Variants in GPBP1L1 observed in about 807,000 individuals in gnomAD.
GPBP1L1 encodes the protein vasculin-like protein 1.
GPBP1L1 carries 23 observed loss-of-function variants against 52.5 expected under a neutral mutation model. The observed-to-expected ratio is 0.44, with a 90% CI of 0.32 to 0.62. The LOEUF (loss-of-function observed/expected upper bound fraction) is 0.62, where lower values mean the gene tolerates loss of function less well. Among genes scored for constraint, GPBP1L1 ranks in the 20% least tolerant of loss-of-function variants. The pLI, the probability that GPBP1L1 is intolerant of heterozygous loss-of-function variation, is 0.06. For synonymous variants in GPBP1L1, 243 were observed against 203.1 expected (o/e 1.20, Z -1.67); for missense variants, 596 against 579.3 (o/e 1.03, Z -0.30).
intron 2 of GPBP1L1, among the ~76,000 whole-genome samples, chr1:45,668,352 C>T (rs548106752): frequency 6.6e-6 from 1 of 152,258 alleles, no homozygotes; most frequent in East Asian, 1.9e-4. Context: ...TTAAATTGCA[C>T]ACTTAAAAAC....
intron 6 of GPBP1L1, chr1:45,654,144 A>G (rs1338434209): frequency 6.2e-6 from 1 of 160,736 alleles, no homozygotes; most frequent in Non-Finnish European, 1.4e-5. Flanking sequence ...CAGCTGAAAT[A>G]CTCCCAATTA....
intron 2 of GPBP1L1, among the ~76,000 whole-genome samples, chr1:45,670,019 T>C (rs1015542711): frequency 2.6e-5 from 4 of 152,252 alleles, no homozygotes; most frequent in Admixed American, 6.5e-5. Context: ...AGTGTATTAA[T>C]AAATGCTTTG....
intron 8 of GPBP1L1, among the ~76,000 whole-genome samples, chr1:45,636,354 T>C (rs1644594527): frequency 6.6e-6 from 1 of 152,190 alleles, no homozygotes; most frequent in Non-Finnish European, 1.5e-5. Flanking sequence ...ACTAGGTGAA[T>C]TTCATTAGAA....
At chr1:45,655,001 G>A (rs115194984) in intron 5 of GPBP1L1, among the ~76,000 whole-genome samples, 172 bp from the exon 6 acceptor site, 3,831 of 152,316 alleles carry the variant, frequency 0.025, 162 homozygotes, top group African/African-American at 0.088. Context: ...CTGAACAGAT[G>A]ATTCATGAGA....
intron 6 of GPBP1L1, among the ~76,000 whole-genome samples, chr1:45,648,347 C>T (rs890480776): frequency 5.3e-5 from 8 of 152,210 alleles, no homozygotes; most frequent in Admixed American, 1.3e-4. Context: ...TTTCTCTATT[C>T]AAACTACTGT....
rs536700581 is a variant in GPBP1L1 at position 45,659,718 on chromosome 1, T to A, written c.-56+466A>T. On this transcript the variant is annotated intron_variant, in intron 3 of 12. Transcript: ENST00000355105. Reference sequence around the variant, plus strand: ...CAGCACCTTGGGAGGCCGAGGTGGATCGCTTGAGCCCAGCAGTTCGAGACC... The same window carrying A: ...CAGCACCTTGGGAGGCCGAGGTGGAACGCTTGAGCCCAGCAGTTCGAGACC... Among the ~76,000 whole-genome samples the A allele has an allele frequency of 3.3e-5, 5 of 152,234 alleles. No homozygotes were observed. In the South Asian group the frequency reaches 1.0e-3, roughly 32 times the overall value.
At chr1:45,629,404 C>T (rs1275053932) in intron 12 of GPBP1L1, among the ~76,000 whole-genome samples, 172 bp downstream of exon 12, 2 of 150,462 alleles carry the variant, frequency 1.3e-5, no homozygotes, top group African/African-American at 4.9e-5. Flanking sequence ...ACTGGGGATC[C>T]TTATTTCCCA....
intron 2 of GPBP1L1, among the ~76,000 whole-genome samples, chr1:45,677,853 T>C (rs1329002916): frequency 6.6e-6 from 1 of 152,234 alleles, no homozygotes; most frequent in Non-Finnish European, 1.5e-5. Flanking sequence ...TACAAAGTGT[T>C]AATGAAGATG....
Position 45,654,578 on chromosome 1 carries a change from T to C in GPBP1L1, c.442A>G (p.Lys148Glu). 1.2e-6 allele frequency: 2 copies of C among 1,612,584 alleles called. No homozygotes were observed. Among genetic ancestry groups the C allele is most frequent in the Middle Eastern group, 1.7e-4 (1 of 6,054 alleles). Residue 148 changes from lysine (K) to glutamate (E), a missense_variant, in exon 6 of 13, where the codon AAG (lysine) becomes GAG (glutamate). By Grantham distance (56) the Lys-to-Glu change is moderately conservative. Coordinates refer to ENST00000355105, the MANE Select transcript of GPBP1L1 (RefSeq NM_021639.5). ...MEIREEKKED[K>E]VEKLQFEEED... Reference sequence around the variant, plus strand: ...TCTTCAAACTGCAACTTTTCCACCTTGTCTTCTTTCTTTTCTTCCCTAATC... The same window carrying C: ...TCTTCAAACTGCAACTTTTCCACCTCGTCTTCTTTCTTTTCTTCCCTAATC...
chr1:45,651,037 T>A, intron 6 of GPBP1L1: 1 of 475,986 alleles, frequency 2.1e-6, no homozygotes, highest in Non-Finnish European at 4.2e-6. Flanking sequence ...TTTAATCCAA[T>A]TGGTGGCAAG....
intron 6 of GPBP1L1, among the ~76,000 whole-genome samples, chr1:45,644,457 A>G (rs926718141): frequency 3.9e-5 from 6 of 152,226 alleles, no homozygotes; most frequent in African/African-American, 9.6e-5. Flanking sequence ...TAAACACTAC[A>G]TGGTTTAAGC....
At chr1:45,671,098 A>G (rs913358350) in intron 2 of GPBP1L1, among the ~76,000 whole-genome samples, 3 of 150,498 alleles carry the variant, frequency 2.0e-5, no homozygotes, top group African/African-American at 7.3e-5. Flanking sequence ...CCGGACTACC[A>G]TATGTCTTAA....
chr1:45,666,133 CT>C (rs5773889), intron 2 of GPBP1L1, among the ~76,000 whole-genome samples: 36 of 146,530 alleles, frequency 2.5e-4, no homozygotes, highest in South Asian at 4.3e-4. Flanking sequence ...TCTTCAAACA[CT>C]TTTTTTTTTT....
chr1:45,658,068 T>C (rs1644905535), intron 4 of GPBP1L1, among the ~76,000 whole-genome samples: 1 of 152,218 alleles, frequency 6.6e-6, no homozygotes, highest in African/African-American at 2.4e-5. Flanking sequence ...GTTTTATCAA[T>C]AACTCAGGCT....
At chr1:45,644,452 A>G (rs916587780) in intron 6 of GPBP1L1, among the ~76,000 whole-genome samples, 3 of 152,244 alleles carry the variant, frequency 2.0e-5, no homozygotes, top group Non-Finnish European at 4.4e-5. Context: ...TCTTTTAAAC[A>G]CTACATGGTT....
chr1:45,646,554 T>C (rs1644748908), intron 6 of GPBP1L1, among the ~76,000 whole-genome samples: 1 of 152,056 alleles, frequency 6.6e-6, no homozygotes, highest in Non-Finnish European at 1.5e-5. Context: ...AATTATACTT[T>C]TCAGTATTTT....
chr1:45,674,025 C>A (rs1445633752), intron 2 of GPBP1L1, among the ~76,000 whole-genome samples: 1 of 152,142 alleles, frequency 6.6e-6, no homozygotes, highest in East Asian at 1.9e-4. Context: ...CTGCAGTGAG[C>A]CGAGATTGTG....
rs1644686727 is a variant in GPBP1L1, at chr1:45,642,477, C to A, written c.500G>T (p.Gly167Val). ...AGGTCTGCATGGCTGATGCTGTTTG[C>A]CAGCTTCTGGATTCAAGGAAGGCTA... ...EDFPSLNPEA[G>V]KQHQPCRPIG... Residue 167 changes from glycine (G) to valine (V), a missense_variant, in exon 7 of 13, where the codon GGC (glycine) becomes GTC (valine). Physicochemically the swap from Gly to Val is moderately radical, Grantham distance 109 (BLOSUM62 -3). Transcript: ENST00000355105. 1.2e-6 allele frequency: 2 copies of A among 1,613,906 alleles called. No individual in the cohort carries two copies. Among genetic ancestry groups the A allele is most frequent in the African/African-American group, 1.3e-5 (1 of 75,022 alleles).
chr1:45,682,639 T>C (rs767110408), intron 2 of GPBP1L1, among the ~76,000 whole-genome samples: 7 of 152,206 alleles, frequency 4.6e-5, no homozygotes, highest in South Asian at 2.1e-4. Context: ...AAATAAATGA[T>C]TGAGCTGTTT....
Sources: gnomAD v4.1 joint callset for allele counts (sites outside exome capture counted in the v4.1 genomes callset) on GRCh38, gnomAD v4.1.1 for gene constraint, MANE v1.5 for transcripts, NCBI Gene and HGNC (gene_info 2026-07-23, HGNC 2026-07-21) for gene names.